Variants in PHF21B observed in about 807,000 individuals in gnomAD.
PHF21B encodes the protein PHD finger protein 4.
PHF21B carries 22 observed loss-of-function variants against 62.2 expected under a neutral mutation model. That is an observed-to-expected ratio of 0.35 (90% confidence interval 0.25 to 0.51). The LOEUF is 0.51. PHF21B is among the 20% of genes least tolerant of loss of function. The pLI, the probability that PHF21B is intolerant of heterozygous loss-of-function variation, is 0.97. For missense variants in PHF21B, 701 were observed against 707.9 expected (o/e 0.99, Z 0.11); for synonymous variants, 341 against 314.7 (o/e 1.08, Z -0.88).
intron 2 of PHF21B, among the ~76,000 whole-genome samples, chr22:44,975,985 T>C (rs1364214869): frequency 6.6e-6 from 1 of 152,198 alleles, no homozygotes; most frequent in Non-Finnish European, 1.5e-5. Context: ...CTGGGCAACA[T>C]GGCGAAACCT....
chr22:44,907,153 C>T (rs2071265875), intron 5 of PHF21B, among the ~76,000 whole-genome samples: 2 of 152,366 alleles, frequency 1.3e-5, no homozygotes, highest in African/African-American at 2.4e-5. Flanking sequence ...GCCTGGGAAC[C>T]TCAGTCTGAC....
At chr22:44,918,885 C>CCTG (rs2071485903) in intron 3 of PHF21B, among the ~76,000 whole-genome samples, 2 of 152,192 alleles carry the variant, frequency 1.3e-5, no homozygotes, top group South Asian at 4.1e-4. Context: ...CGCATAGCTC[C>CCTG]CTGCTGCCCA....
At chr22:44,969,391 C>G in intron 2 of PHF21B, among the ~76,000 whole-genome samples, 1 of 152,320 alleles carries the variant, frequency 6.6e-6, no homozygotes, top group East Asian at 1.9e-4. Context: ...GCCGGCCGGG[C>G]ACGGTGGCTC....
At chr22:44,934,294 C>G (rs999660213) in intron 2 of PHF21B, among the ~76,000 whole-genome samples, 3 of 152,228 alleles carry the variant, frequency 2.0e-5, no homozygotes, top group African/African-American at 7.2e-5. Context: ...GTTAGAACAG[C>G]CTGGTACCCA....
intron 2 of PHF21B, among the ~76,000 whole-genome samples, chr22:44,972,107 G>A (rs2072649909): frequency 6.6e-6 from 1 of 152,244 alleles, no homozygotes; most frequent in Non-Finnish European, 1.5e-5. Context: ...TGAATGACAG[G>A]GCTGGGTCTT....
chr22:44,891,323 A>G lies in PHF21B; in HGVS notation c.998T>C (p.Leu333Pro). Reference protein sequence around the residue: ...RLASNYLNNPLFLTARANEDP... With the variant: ...RLASNYLNNPPFLTARANEDP... ...GTGCTTACCTCTCGCTGTGAGGAAC[A>G]GGGGGTTGTTGAGATAGTTGGAGGC... Residue 333 changes from leucine to proline, a missense_variant, in exon 8 of 13, where the codon CTG becomes CCG. Physicochemically the swap from Leu to Pro is moderately conservative, Grantham distance 98 (BLOSUM62 -3). Coordinates refer to ENST00000313237, the MANE Select transcript of PHF21B (RefSeq NM_138415.5). 1.2e-6 allele frequency: 2 copies of G among 1,614,030 alleles called. No individual in the cohort carries two copies. The highest frequency in any genetic ancestry group is 1.7e-6 in the Non-Finnish European group (2 of 1,180,012).
chr22:44,881,371 C>G lies in PHF21B; in HGVS notation c.*1715G>C, dbSNP rs916769898. ...CATTACACTGTTAAAACATGTAACTCAATCCATCCGCGAAGAAAACCAAAC... is the reference window on the plus strand; with the variant it reads ...CATTACACTGTTAAAACATGTAACTGAATCCATCCGCGAAGAAAACCAAAC... On this transcript the variant is annotated 3_prime_UTR_variant, in exon 13 of 13. Transcript: ENST00000313237. 1 of 152,684 alleles carries G rather than the reference C, an allele frequency of 6.5e-6. No individual in the cohort carries two copies. The highest frequency in any genetic ancestry group is 2.4e-5 in the African/African-American group (1 of 41,470). The allele number at this position is 152,684 out of a possible 1,614,324, so 9.5% of individuals were successfully genotyped here. A position where few individuals can be genotyped will look rare whatever the true frequency, so the allele number is the denominator to read the frequency against.
intron 2 of PHF21B, among the ~76,000 whole-genome samples, chr22:44,990,452 C>CT (rs1460790702): frequency 2.6e-5 from 4 of 152,134 alleles, no homozygotes; most frequent in African/African-American, 9.7e-5. Context: ...GCACGGAGTA[C>CT]GTGCAAGCAG....
At position 44,917,654 on chromosome 22, in the gene PHF21B, C is replaced by G. The variant is rs149674099; in HGVS notation, c.214-1024G>C. Among the ~76,000 whole-genome samples the G allele has an allele frequency of 1.6e-4, 25 of 152,324 alleles. No individual in the cohort carries two copies. In the East Asian group the frequency reaches 3.9e-3, roughly 24 times the overall value. ...ACTGAGGTGCATAATGGAGCCTCAC[C>G]GGTAATAATGATGCTACCGTCGTTA... On this transcript the variant is annotated intron_variant, in intron 3 of 12. Coordinates refer to ENST00000313237, the MANE Select transcript of PHF21B (RefSeq NM_138415.5).
chr22:44,926,338 G>C (rs1019353590), intron 2 of PHF21B, among the ~76,000 whole-genome samples: 5 of 152,382 alleles, frequency 3.3e-5, no homozygotes, highest in African/African-American at 1.2e-4. Context: ...CAGGCCGTGG[G>C]GCCCCGGGGA....
intron 2 of PHF21B, among the ~76,000 whole-genome samples, chr22:44,942,185 G>A (rs906337963): frequency 6.6e-6 from 1 of 152,306 alleles, no homozygotes; most frequent in South Asian, 2.1e-4. Flanking sequence ...GCCAGACTCG[G>A]GACAGGAGCA....
chr22:45,006,322 T>A (rs1162822277), intron 2 of PHF21B, among the ~76,000 whole-genome samples: 2 of 152,162 alleles, frequency 1.3e-5, no homozygotes, highest in Non-Finnish European at 2.9e-5. Context: ...AGGGAAACAT[T>A]TCTAAAAGGC....
At chr22:44,960,902 C>G (rs1187046367) in intron 2 of PHF21B, among the ~76,000 whole-genome samples, 1 of 151,864 alleles carries the variant, frequency 6.6e-6, no homozygotes, top group East Asian at 1.9e-4. Context: ...CTCCAGCTTG[C>G]CCACTGCAGA....
At chr22:44,978,762 T>G (rs1312027414) in intron 2 of PHF21B, among the ~76,000 whole-genome samples, 1 of 152,226 alleles carries the variant, frequency 6.6e-6, no homozygotes, top group African/African-American at 2.4e-5. Flanking sequence ...CCCAATCTCC[T>G]GGCTCCCGTA....
intron 2 of PHF21B, among the ~76,000 whole-genome samples, chr22:44,985,190 G>A (rs1281114919): frequency 5.3e-5 from 8 of 152,172 alleles, no homozygotes; most frequent in Admixed American, 4.6e-4. Flanking sequence ...TTTACAGTTT[G>A]TAAATAAATG....
intron 2 of PHF21B, among the ~76,000 whole-genome samples, chr22:45,004,301 A>G (rs974554467): frequency 5.9e-5 from 9 of 152,058 alleles, no homozygotes; most frequent in Non-Finnish European, 1.2e-4. Flanking sequence ...GGCTATCACA[A>G]TCTTCCAGGT....
intron 2 of PHF21B, among the ~76,000 whole-genome samples, chr22:44,945,861 T>TC (rs1196337233): frequency 6.6e-6 from 1 of 152,124 alleles, no homozygotes; most frequent in Non-Finnish European, 1.5e-5. Flanking sequence ...TCTTTGGGCC[T>TC]CAGGCCCCAG....
intron 2 of PHF21B, among the ~76,000 whole-genome samples, chr22:44,938,061 T>C (rs2071884426): frequency 6.6e-6 from 1 of 152,378 alleles, no homozygotes; most frequent in Non-Finnish European, 1.5e-5. Flanking sequence ...AAATTTTATC[T>C]CAAATTTTAA....
chr22:45,004,474 C>T (rs1360061315), intron 2 of PHF21B, among the ~76,000 whole-genome samples: 1 of 152,208 alleles, frequency 6.6e-6, no homozygotes, highest in Non-Finnish European at 1.5e-5. Flanking sequence ...GTCCCATTCC[C>T]ACGATCTTCC....
Sources: gnomAD v4.1 joint callset for allele counts (sites outside exome capture counted in the v4.1 genomes callset) on GRCh38, gnomAD v4.1.1 for gene constraint, MANE v1.5 for transcripts, NCBI Gene and HGNC (gene_info 2026-07-23, HGNC 2026-07-21) for gene names.